Variants in FRMPD4 observed in about 807,000 individuals in gnomAD.
The protein encoded by FRMPD4 is FERM and PDZ domain containing 4, also known as FERM and PDZ domain-containing protein 4.
A neutral mutation model predicts 94.1 loss-of-function variants in FRMPD4; 22 were observed. The ratio of observed to expected loss-of-function variants is 0.23; its 90% CI spans 0.17 to 0.33. The LOEUF (loss-of-function observed/expected upper bound fraction) is 0.33. FRMPD4 is among the 10% of genes least tolerant of loss of function. FRMPD4 has a pLI of 1.00. For synonymous variants in FRMPD4, 631 were observed against 548.6 expected, an observed-to-expected ratio of 1.15 and a Z score of -2.10; for missense variants, 1,111 against 1,339.9, an observed-to-expected ratio of 0.83 and a Z score of 2.67.
intron 3 of FRMPD4, among the ~76,000 whole-genome samples, chrX:11,910,893 T>C (rs1047895320): frequency 4.5e-5 from 5 of 110,276 alleles, no homozygotes; most frequent in African/African-American, 1.7e-4. Context: ...TCAAGAAATG[T>C]ATTTAATTTT....
At chrX:11,827,549 G>T (rs2053451344) in intron 1 of FRMPD4, among the ~76,000 whole-genome samples, 1 of 111,349 alleles carries the variant, frequency 9.0e-6, no homozygotes, top group East Asian at 2.8e-4. Context: ...AGACTTCTAA[G>T]AAGATATGTA....
At chrX:12,628,065 C>T (rs1010579982) in intron 4 of FRMPD4, among the ~76,000 whole-genome samples, 55 of 110,672 alleles carry the variant, frequency 5.0e-4, no homozygotes, top group African/African-American at 1.5e-3. Flanking sequence ...CTAGAGAGAA[C>T]GGAGAGCTGT....
At chrX:12,537,601 T>C (rs2058354221) in intron 2 of FRMPD4, among the ~76,000 whole-genome samples, 2 of 107,117 alleles carry the variant, frequency 1.9e-5, no homozygotes, top group Non-Finnish European at 3.8e-5. Flanking sequence ...TACATGTGCA[T>C]GCCACCCGCC....
chrX:12,716,825 CAGA>C lies in FRMPD4; in HGVS notation c.2369_2371del (p.Glu790del). On this transcript the variant is annotated inframe_deletion, in exon 15 of 17. Coordinates refer to ENST00000675598, the MANE Select transcript of FRMPD4 (RefSeq NM_001368397.1). The stretch of plus-strand genomic sequence containing the variant: ...ATTGACCTCACATCCCTGCCCCCTC[CAGA>C]AGGTGATGACAATGAGGATGACTTC... 1 of 1,211,871 alleles carries C rather than the reference CAGA, an allele frequency of 8.3e-7. No individual in the cohort carries two copies. Among genetic ancestry groups the C allele is most frequent in the Non-Finnish European group, 1.1e-6 (1 of 895,399 alleles).
chrX:11,832,852 A>G, intron 1 of FRMPD4, among the ~76,000 whole-genome samples: 1 of 111,474 alleles, frequency 9.0e-6, no homozygotes, highest in Middle Eastern at 4.6e-3. Context: ...CATCACCCAG[A>G]ATCCATAGCT....
chrX:12,444,122 A>AG (rs2057168863), intron 1 of FRMPD4, among the ~76,000 whole-genome samples: 1 of 110,319 alleles, frequency 9.1e-6, no homozygotes, highest in Non-Finnish European at 1.9e-5. Flanking sequence ...AGAGAGATGT[A>AG]GGGTTTTCAT....
chrX:12,308,165 C>G (rs777670454), intron 1 of FRMPD4, among the ~76,000 whole-genome samples: 1 of 111,683 alleles, frequency 9.0e-6, no homozygotes, highest in Non-Finnish European at 1.9e-5. Flanking sequence ...CTGTACTTCC[C>G]ATTTCACAAT....
chrX:12,629,453 A>T (rs1395354319), intron 4 of FRMPD4, among the ~76,000 whole-genome samples: 2 of 112,259 alleles, frequency 1.8e-5, no homozygotes, highest in Non-Finnish European at 3.8e-5. Flanking sequence ...TACCTCTGTA[A>T]TGTATTAGCT....
chrX:12,305,260 G>A (rs1199409754), intron 1 of FRMPD4, among the ~76,000 whole-genome samples: 10 of 111,697 alleles, frequency 9.0e-5, no homozygotes, highest in Admixed American at 7.6e-4. Context: ...CCACAGGCAG[G>A]GAGGTAGGCG....
intron 1 of FRMPD4, among the ~76,000 whole-genome samples, chrX:12,426,589 G>A (rs986761030): frequency 1.8e-5 from 2 of 111,235 alleles, no homozygotes; most frequent in Non-Finnish European, 3.8e-5. Flanking sequence ...TCTGCATGCC[G>A]CCCACCTTTC....
intron 3 of FRMPD4, among the ~76,000 whole-genome samples, chrX:12,088,192 G>T (rs2055126354): frequency 8.9e-6 from 1 of 112,113 alleles, no homozygotes; most frequent in Non-Finnish European, 1.9e-5. Flanking sequence ...AAGTTCTGGA[G>T]GCTGGGAAGT....
chrX:12,116,382 T>A (rs1204472810), intron 3 of FRMPD4, among the ~76,000 whole-genome samples: 1 of 112,437 alleles, frequency 8.9e-6, no homozygotes, highest in East Asian at 2.8e-4. Flanking sequence ...ACTCTCCCCA[T>A]GCTCCTGAGA....
chrX:12,401,666 TAAAG>T (rs1225216327), intron 1 of FRMPD4, among the ~76,000 whole-genome samples: 1 of 111,976 alleles, frequency 8.9e-6, no homozygotes, highest in East Asian at 2.8e-4. Context: ...ATCGGTTTTA[TAAAG>T]AGAGTCAGTT....
intron 3 of FRMPD4, among the ~76,000 whole-genome samples, chrX:11,901,667 C>T (rs1469670153): frequency 8.9e-6 from 1 of 112,216 alleles, no homozygotes; most frequent in Non-Finnish European, 1.9e-5. Flanking sequence ...TAAGGAATCT[C>T]TATACTGTTT....
intron 4 of FRMPD4, among the ~76,000 whole-genome samples, chrX:12,633,751 A>C (rs781289622): frequency 8.9e-5 from 10 of 112,184 alleles, no homozygotes; most frequent in Non-Finnish European, 1.1e-4. Context: ...CAAACATAGG[A>C]GCTCATGTCT....
intron 2 of FRMPD4, among the ~76,000 whole-genome samples, chrX:12,595,187 G>C (rs1602183110): frequency 9.0e-6 from 1 of 111,689 alleles, no homozygotes; most frequent in African/African-American, 3.3e-5. Context: ...TGTCTTCCTT[G>C]TGAGGAAGAC....
chrX:12,643,323 A>G (rs1362177356), intron 4 of FRMPD4, among the ~76,000 whole-genome samples: 2 of 110,881 alleles, frequency 1.8e-5, no homozygotes, highest in Non-Finnish European at 3.8e-5. Context: ...TGGGTTCACT[A>G]CGTTGGCCAG....
At chrX:12,653,901 G>A (rs748673489) in intron 4 of FRMPD4, among the ~76,000 whole-genome samples, 1 of 111,876 alleles carries the variant, frequency 8.9e-6, no homozygotes, top group Non-Finnish European at 1.9e-5. Flanking sequence ...CCAAGTAGCT[G>A]GGATTACAGG....
At chrX:12,161,904 A>G (rs997458972) in intron 1 of FRMPD4, among the ~76,000 whole-genome samples, 6 of 111,934 alleles carry the variant, frequency 5.4e-5, no homozygotes, top group South Asian at 3.7e-4. Context: ...TTTTATCACT[A>G]CTATCAAAGG....
Sources: allele counts gnomAD v4.1 joint callset (sites outside exome capture counted in the v4.1 genomes callset), GRCh38; gene constraint gnomAD v4.1.1; transcripts MANE v1.5; gene names NCBI Gene and HGNC (gene_info 2026-07-23, HGNC 2026-07-21).